ABCA4: variants seen among roughly 807,000 people sequenced by gnomAD.
The protein encoded by ABCA4 is ATP binding cassette subfamily A member 4.
Under a neutral mutation model 263.7 loss-of-function variants are expected in ABCA4, and 196 were observed. The observed-to-expected ratio is 0.74, with a 90% CI of 0.66 to 0.84. The LOEUF (loss-of-function observed/expected upper bound fraction) is 0.84. ABCA4 is among the 40% of genes least tolerant of loss of function. The pLI is 0.00. For synonymous variants in ABCA4, 1,133 were observed against 1,094.2 expected (o/e 1.04, Z -0.70); for missense variants, 2,792 against 2,855.1 (o/e 0.98, Z 0.50).
Position 94,048,929 on chromosome 1 carries a change from C to G in ABCA4, c.2682G>C (p.Leu894=), listed in dbSNP as rs2101059837. 1.9e-6 allele frequency: 3 copies of G among 1,614,066 alleles called. No homozygotes were observed. Among genetic ancestry groups the G allele is most frequent in the Non-Finnish European group, 2.5e-6 (3 of 1,180,032 alleles). The change falls in exon 18 of 50, where the codon CTG becomes CTC. Residue 894 remains leucine (L), a synonymous_variant. Transcript: ENST00000370225. ...CCTCTGTTAGGGGCTCGGTCTTTTC[C>G]AGGGCTCTTTCTTCTCTGGTTGAAC... ...EGCSTREERA[L]EKTEPLTEET...
At position 94,103,076 on chromosome 1, in the gene ABCA4, T is replaced by C; in HGVS notation, c.509A>G (p.Asn170Ser). The change falls in exon 5 of 50, where the codon AAC becomes AGC. Residue 170 changes from asparagine to serine, a missense_variant. Coordinates refer to ENST00000370225, the MANE Select transcript of ABCA4 (RefSeq NM_000350.3). ...GACCACTGAGTCAGACAGGCCGATG[T>C]TTTTAATGAGAAATAGTGTCAGTGT... is the stretch of plus-strand genomic sequence containing the variant. ...EETLTLFLIK[N>S]IGLSDSVVYL... The C allele has an allele frequency of 6.2e-7, 1 of 1,614,166 alleles. No individual in the cohort carries two copies.
At chr1:94,063,695 C>G (rs896024914) in intron 11 of ABCA4, among the ~76,000 whole-genome samples, 1 of 152,110 alleles carries the variant, frequency 6.6e-6, no homozygotes, top group Non-Finnish European at 1.5e-5. Context: ...CTTTGAAGAT[C>G]AGAAAGCCTG....
chr1:94,120,098 C>T (rs2101188623), intron 1 of ABCA4, among the ~76,000 whole-genome samples: 1 of 152,352 alleles, frequency 6.6e-6, no homozygotes, highest in South Asian at 2.1e-4. Flanking sequence ...CACTCCTTAT[C>T]CTTTCCCAGA....
In ABCA4 at chr1:94,030,473, T is replaced by C. The variant is rs1660168484; in HGVS notation, c.4307A>G (p.Asn1436Ser). The C allele has an allele frequency of 6.2e-7, 1 of 1,614,234 alleles. No homozygotes were observed. Among genetic ancestry groups the C allele is most frequent in the Non-Finnish European group, 8.5e-7 (1 of 1,180,040 alleles). ...GCAGCGGTTGCCAAAGCCTGGCTTA[T>C]TCAGGAGGACGTCTGCAAGTACCGT... ...QFTVLADVLL[N>S]KPGFGNRCLK... Residue 1436 changes from asparagine to serine, a missense_variant, in exon 29 of 50, where the codon AAT becomes AGT. By Grantham distance (46) the Asn-to-Ser change is conservative. Transcript: ENST00000370225.
Position 94,008,231 on chromosome 1 carries a change from C to G in ABCA4, c.5898+4G>C, listed in dbSNP as rs1480850082. ...CTTTCACACGTGGTCTGCAGAGTAC[C>G]CACCTCTCCAGGGCGAACTCCGACA... On this transcript the variant is annotated splice_donor_region_variant and intron_variant, in intron 42 of 49. Transcript: ENST00000370225. 1.9e-6 allele frequency: 3 copies of G among 1,613,820 alleles called. No homozygotes were observed. Among genetic ancestry groups the G allele is most frequent in the Non-Finnish European group, 2.5e-6 (3 of 1,179,926 alleles).
At chr1:94,044,588 C>CG in intron 20 of ABCA4, 25 bp downstream of exon 20, 1 of 1,614,156 alleles carries the variant, frequency 6.2e-7, no homozygotes, top group Non-Finnish European at 8.5e-7. Context: ...GGGGATGGGG[C>CG]GGTCTCAGTT....
At position 94,005,575 on chromosome 1, in the gene ABCA4, T is replaced by C. The variant is rs1450102205; in HGVS notation, c.6013A>G (p.Thr2005Ala). The C allele has an allele frequency of 1.2e-6, 2 of 1,613,950 alleles. No homozygotes were observed. Among genetic ancestry groups the C allele is most frequent in the Non-Finnish European group, 1.7e-6 (2 of 1,179,864 alleles). The change falls in exon 44 of 50, where the codon ACC (threonine) becomes GCC (alanine). Residue 2005 changes from threonine (T) to alanine (A), a missense_variant. Physicochemically the swap from Thr to Ala is moderately conservative, Grantham distance 58 (BLOSUM62 0). Coordinates refer to ENST00000370225, the MANE Select transcript of ABCA4 (RefSeq NM_000350.3). ...DATVAGKSIL[T>A]NISEVHQNMG... ...TTTTGATGGACTTCAGAAATATTGG[T>C]TAAAATACTGCAAGAAAAAAAGCAA...
chr1:94,069,854 G>A (rs1164556408), intron 11 of ABCA4, among the ~76,000 whole-genome samples: 2 of 152,082 alleles, frequency 1.3e-5, no homozygotes, highest in East Asian at 1.9e-4. Context: ...AACACATGAC[G>A]ACTGGAAAAC....
chr1:94,044,851 G>T (rs1203987300), intron 19 of ABCA4, 107 bp from the exon 20 acceptor site: 3 of 1,564,978 alleles, frequency 1.9e-6, no homozygotes, highest in Non-Finnish European at 2.6e-6. Context: ...ATTCCTGCCT[G>T]GGGCTGTCAG....
At chr1:94,076,698 C>T (rs746211927) in intron 11 of ABCA4, among the ~76,000 whole-genome samples, 18 of 152,112 alleles carry the variant, frequency 1.2e-4, no homozygotes, top group African/African-American at 3.4e-4. Context: ...GAGAGAGCAA[C>T]GTAAGCAGGT....
rs1331283717 is a variant in ABCA4 at position 94,037,337 on chromosome 1, C to G, written c.3621G>C (p.Glu1207Asp). 6.2e-7 allele frequency: 1 copy of G among 1,614,186 alleles called. No homozygotes were observed. Among genetic ancestry groups the G allele is most frequent in the East Asian group, 2.2e-5 (1 of 44,890 alleles). The change falls in exon 25 of 50, where the codon GAG becomes GAC. Residue 1207 changes from glutamate to aspartate, a missense_variant. Glu to Asp is a conservative substitution (Grantham distance 45). Coordinates refer to ENST00000370225, the MANE Select transcript of ABCA4 (RefSeq NM_000350.3). ...CATGGTGGAGAACTACATCCATCAG[C>G]TCATTTACATCCCCTAGGACAAGAA... ...PEQVLDGDVNELMDVVLHHVP... is the reference protein window; with the variant it reads ...PEQVLDGDVNDLMDVVLHHVP...
chr1:94,093,974 T>A (rs1200628521), intron 6 of ABCA4, among the ~76,000 whole-genome samples: 1 of 152,182 alleles, frequency 6.6e-6, no homozygotes, highest in Non-Finnish European at 1.5e-5. Context: ...TTTTGTTTCC[T>A]CCCAACAGCC....
At position 94,044,652 on chromosome 1, in the gene ABCA4, C is replaced by T. The variant is rs758560501; in HGVS notation, c.3011G>A (p.Ser1004Asn). ...GTTGTGCTGTGGACACATGCCAAGG[C>T]TCTGCCGGACTGCATCCAGGCTGGT... ...IETSLDAVRQ[S>N]LGMCPQHNIL... Residue 1004 changes from serine to asparagine, a missense_variant, in exon 20 of 50, where the codon AGC becomes AAC. Ser to Asn is a conservative substitution (Grantham distance 46, BLOSUM62 1). Coordinates refer to ENST00000370225, the MANE Select transcript of ABCA4 (RefSeq NM_000350.3). The T allele has an allele frequency of 1.9e-6, 3 of 1,614,210 alleles. No homozygotes were observed. In the East Asian group the frequency reaches 6.7e-5, roughly 36 times the overall value.
chr1:94,091,052 A>G (rs1020953006), intron 6 of ABCA4, among the ~76,000 whole-genome samples: 1 of 152,240 alleles, frequency 6.6e-6, no homozygotes, highest in African/African-American at 2.4e-5. Flanking sequence ...AGGAACGTGA[A>G]GAGAGTCAGC....
rs1255085574 is a variant in ABCA4, at chr1:94,098,922, T to A, written c.640A>T (p.Ile214Phe). 3 of 1,613,700 alleles carry A rather than the reference T, an allele frequency of 1.9e-6. No homozygotes were observed. The highest frequency in any genetic ancestry group is 3.3e-5 in the Admixed American group (2 of 60,032). Reference protein sequence around the residue: ...ACSEALLERFIIFSQRRGAKT... With the variant: ...ACSEALLERFFIFSQRRGAKT... The stretch of plus-strand genomic sequence containing the variant: ...GCCCCGCGTCTCTGGCTGAAGATGA[T>A]GAAGCGCTCCAGGAGGGCCTCGCTG... The change falls in exon 6 of 50, where the codon ATC becomes TTC. Residue 214 changes from isoleucine (I) to phenylalanine (F), a missense_variant. Ile to Phe is a conservative substitution (Grantham distance 21). Transcript: ENST00000370225.
At position 94,048,906 on chromosome 1, in the gene ABCA4, T is replaced by C. The variant is rs1457788497; in HGVS notation, c.2705A>G (p.Glu902Gly). The C allele has an allele frequency of 6.2e-7, 1 of 1,614,070 alleles. No homozygotes were observed. Among genetic ancestry groups the C allele is most frequent in the African/African-American group, 1.3e-5 (1 of 74,916 alleles). The change falls in exon 18 of 50, where the codon GAG becomes GGG. Residue 902 changes from glutamate (E) to glycine (G), a missense_variant. Coordinates refer to ENST00000370225, the MANE Select transcript of ABCA4 (RefSeq NM_000350.3). ...TGGGTGCTCTGGATCCTCCGTTTCCTCTGTTAGGGGCTCGGTCTTTTCCAG... is the reference window on the plus strand; with the variant it reads ...TGGGTGCTCTGGATCCTCCGTTTCCCCTGTTAGGGGCTCGGTCTTTTCCAG... ...RALEKTEPLT[E>G]ETEDPEHPEG...
intron 14 of ABCA4, among the ~76,000 whole-genome samples, chr1:94,059,889 G>C (rs980945353): frequency 2.0e-5 from 3 of 152,208 alleles, no homozygotes; most frequent in Non-Finnish European, 2.9e-5. Context: ...CTAGCTCTCA[G>C]AGGAGTTGCA....
intron 42 of ABCA4, 66 bp downstream of exon 42, chr1:94,008,169 G>C (rs1659446664): frequency 7.0e-7 from 1 of 1,422,974 alleles, no homozygotes; most frequent in Non-Finnish European, 9.9e-7. Context: ...TGCCTTATGG[G>C]GAGGAGAGGC....
intron 35 of ABCA4, among the ~76,000 whole-genome samples, chr1:94,019,999 T>C (rs1440785928): frequency 6.6e-6 from 1 of 152,220 alleles, no homozygotes; most frequent in Non-Finnish European, 1.5e-5. Context: ...ACAACCTTTC[T>C]TTTTATTATA....
Sources: allele counts gnomAD v4.1 joint callset (sites outside exome capture counted in the v4.1 genomes callset), GRCh38; gene constraint gnomAD v4.1.1; transcripts MANE v1.5; gene names NCBI Gene and HGNC (gene_info 2026-07-23, HGNC 2026-07-21).